The following CORO1B variants were observed in gnomAD, a reference collection of about 807,000 sequenced individuals.
CORO1B encodes the protein coronin-1B.
CORO1B carries 30 observed loss-of-function variants against 51.1 expected under a neutral mutation model. The ratio of observed to expected loss-of-function variants is 0.59; its 90% CI spans 0.44 to 0.80. The LOEUF is 0.80. Among genes scored for constraint, CORO1B ranks in the 30% least tolerant of loss-of-function variants. The pLI is 0.00. For missense variants in CORO1B, 648 were observed against 700.4 expected, an observed-to-expected ratio of 0.93 and a Z score of 0.84; for synonymous variants, 310 against 289.7, an observed-to-expected ratio of 1.07 and a Z score of -0.71.
intron 8 of CORO1B, 33 bp downstream of exon 8, chr11:67,440,085 C>T: frequency 6.3e-7 from 1 of 1,586,354 alleles, no homozygotes; most frequent in African/African-American, 1.3e-5. Context: ...CTTAGATGCC[C>T]CTATCCCCGA....
chr11:67,440,140 C>T lies in CORO1B; in HGVS notation c.985G>A (p.Val329Ile), dbSNP rs761036671. Residue 329 changes from valine to isoleucine, a missense_variant, in exon 8 of 11, where the codon GTC (valine) becomes ATC (isoleucine). Val to Ile is a conservative substitution (Grantham distance 29). Coordinates refer to ENST00000341356, the MANE Select transcript of CORO1B (RefSeq NM_020441.3). ...MGSMPKRGLE[V>I]SKCEIARFYK... ...TACCGGGCGATCTCGCACTTGCTGA[C>T]CTCCAGGCCCCGCTTGGGCATGCTG... is the stretch of plus-strand genomic sequence containing the variant. The T allele has an allele frequency of 8.1e-6, 13 of 1,612,814 alleles. No individual in the cohort carries two copies. Among genetic ancestry groups the T allele is most frequent in the Non-Finnish European group, 1.1e-5 (13 of 1,179,598 alleles).
At chr11:67,442,890 C>G (rs1472841071) in intron 1 of CORO1B, among the ~76,000 whole-genome samples, 1 of 152,140 alleles carries the variant, frequency 6.6e-6, no homozygotes, top group East Asian at 1.9e-4. Flanking sequence ...ACGCAGGGCC[C>G]CTCCCTGGCT....
At position 67,436,228 on chromosome 11, in the gene CORO1B, C is replaced by T; in HGVS notation, c.*2148G>A. On this transcript the variant is annotated 3_prime_UTR_variant, in exon 11 of 11. Transcript: ENST00000341356. ...CTAGGCCAGTGGCCAGCAGTAGGAGCAGCAGCAGCAGCAGGACAACGGTGA... is the reference window on the plus strand; with the variant it reads ...CTAGGCCAGTGGCCAGCAGTAGGAGTAGCAGCAGCAGCAGGACAACGGTGA... 1 of 1,536,874 alleles carries T rather than the reference C, an allele frequency of 6.5e-7. No homozygotes were observed.
intron 4 of CORO1B, 54 bp from the exon 5 acceptor site, chr11:67,441,568 C>T (rs1864394887): frequency 6.3e-7 from 1 of 1,581,330 alleles, no homozygotes; most frequent in Non-Finnish European, 8.6e-7. Flanking sequence ...AGGCCATTAG[C>T]TCACCAGGCT....
chr11:67,440,501 A>T (rs1204299902), intron 6 of CORO1B, 62 bp from the exon 7 acceptor site: 1 of 1,520,998 alleles, frequency 6.6e-7, no homozygotes, highest in Admixed American at 1.8e-5. Flanking sequence ...CCAAACCAGG[A>T]CGGGCCTTAG....
chr11:67,442,580 C>G lies in CORO1B; in HGVS notation c.49G>C (p.Gly17Arg), dbSNP rs752307054. The G allele has an allele frequency of 6.4e-5, 103 of 1,613,632 alleles. No individual in the cohort carries two copies. Among genetic ancestry groups the G allele is most frequent in the Non-Finnish European group, 8.6e-5 (101 of 1,180,018 alleles). ...VRQSKFRHVF[G>R]QPVKNDQCYE... is the part of the protein sequence containing the mutation. ...CACTGGTCGTTCTTGACCGGCTGCC[C>G]GAACACATGCCGGAATTTGCTCTGC... The change falls in exon 2 of 11, where the codon GGG (glycine) becomes CGG (arginine). Residue 17 changes from glycine (G) to arginine (R), a missense_variant. Gly to Arg is a moderately radical substitution (Grantham distance 125). Transcript: ENST00000341356.
chr11:67,441,100 T>C lies in CORO1B; in HGVS notation c.756+25A>G, dbSNP rs556153688. 5.4e-4 allele frequency: 867 copies of C among 1,612,854 alleles called. 10 individuals are homozygous for C. The South Asian group carries it at 9.0e-3, about 17-fold the overall frequency. The stretch of plus-strand genomic sequence containing the variant: ...CCAGGGTGGGGCCCAAGTCTCAAGT[T>C]TGCCCCCTCAGGCTGGCCACTCACT... On this transcript the variant is annotated intron_variant, in intron 6 of 10. Transcript: ENST00000341356.
intron 1 of CORO1B, 106 bp from the exon 2 acceptor site, chr11:67,442,736 C>T (rs1864424259): frequency 7.1e-6 from 8 of 1,128,642 alleles, no homozygotes; most frequent in African/African-American, 1.5e-5. Flanking sequence ...GCCAGGCCAC[C>T]GTAACCCTCC....
In CORO1B at chr11:67,435,728, G is replaced by C; in HGVS notation, c.*2648C>G. On this transcript the variant is annotated 3_prime_UTR_variant, in exon 11 of 11. Coordinates refer to ENST00000341356, the MANE Select transcript of CORO1B (RefSeq NM_020441.3). Reference sequence around the variant, plus strand: ...GTGACAGGGATGGGACACCAAGACCGGCCTCTACAGTGCGGTGACATGGAG... The same window carrying C: ...GTGACAGGGATGGGACACCAAGACCCGCCTCTACAGTGCGGTGACATGGAG... 6.6e-7 allele frequency: 1 copy of C among 1,513,850 alleles called. No homozygotes were observed. Among genetic ancestry groups the C allele is most frequent in the Non-Finnish European group, 8.8e-7 (1 of 1,134,328 alleles). 93.8% of individuals were successfully genotyped at this position (1,513,850 alleles called of 1,614,324 possible).
At position 67,435,809 on chromosome 11, in the gene CORO1B, G is replaced by A; in HGVS notation, c.*2567C>T. ...ATCCCAGGCTGCGCTGCCAGCAAAG[G>A]CGTGCAGGTCACTCAGCAGGGCCTC... On this transcript the variant is annotated 3_prime_UTR_variant, in exon 11 of 11. Transcript: ENST00000341356. 6.2e-7 allele frequency: 1 copy of A among 1,600,824 alleles called. No homozygotes were observed. Among genetic ancestry groups the A allele is most frequent in the Non-Finnish European group, 8.5e-7 (1 of 1,174,686 alleles).
At chr11:67,439,727 A>G (rs1373771362) in intron 9 of CORO1B, 59 bp downstream of exon 9, 12 of 1,518,172 alleles carry the variant, frequency 7.9e-6, no homozygotes, top group African/African-American at 2.8e-5. Flanking sequence ...CCTGGTCACA[A>G]CTGCATGGCC....
In CORO1B at chr11:67,437,229, A is replaced by G. The variant is rs1864304752; in HGVS notation, c.*1147T>C. On this transcript the variant is annotated 3_prime_UTR_variant, in exon 11 of 11. Transcript: ENST00000341356. The stretch of plus-strand genomic sequence containing the variant: ...GGGGGGGGCTGGGGGAGGCGGGCGC[A>G]GCTGCCAGAGGAAGTCTGCGGTCGG... 2 of 188,926 alleles carry G rather than the reference A, an allele frequency of 1.1e-5. No homozygotes were observed. Among genetic ancestry groups the G allele is most frequent in the Non-Finnish European group, 2.2e-5 (2 of 92,660 alleles). The allele number at this position is 188,926 out of a possible 1,614,324, so 11.7% of individuals were successfully genotyped here. A position where few individuals can be genotyped will look rare whatever the true frequency, so the allele number is the denominator to read the frequency against.
Position 67,438,217 on chromosome 11 carries a change from C to T in CORO1B, c.*159G>A, listed in dbSNP as rs1446221466. On this transcript the variant is annotated 3_prime_UTR_variant, in exon 11 of 11. Coordinates refer to ENST00000341356, the MANE Select transcript of CORO1B (RefSeq NM_020441.3). Reference sequence around the variant, plus strand: ...CACAGGAACAGTGAGGAAAGCTGGGCGCTGGCTTCGGCCTGGGCCTGGGAC... The same window carrying T: ...CACAGGAACAGTGAGGAAAGCTGGGTGCTGGCTTCGGCCTGGGCCTGGGAC... 3.4e-6 allele frequency: 3 copies of T among 870,180 alleles called. No individual in the cohort carries two copies. The highest frequency in any genetic ancestry group is 3.4e-5 in the African/African-American group (2 of 59,330). 53.9% of individuals were successfully genotyped at this position (870,180 alleles called of 1,614,324 possible).
chr11:67,441,848 TG>T lies in CORO1B; in HGVS notation c.338del (p.Pro113GlnfsTer5). On this transcript the variant is annotated frameshift_variant, in exon 4 of 11. Transcript: ENST00000341356. LOFTEE classifies it high-confidence loss of function. ...EDCTVMVWQIPENGLTSPLTE... is the reference protein window; with the variant it reads ...EDCTVMVWQIXENGLTSPLTE... ...TCAGCGGGGAGGTCAGCCCGTTCTC[TG>T]GGATCTGCCACACCTGTGGTAGGGA... 1 of 1,613,190 alleles carries T rather than the reference TG, an allele frequency of 6.2e-7. No individual in the cohort carries two copies. Among genetic ancestry groups the T allele is most frequent in the South Asian group, 1.1e-5 (1 of 91,088 alleles).
In CORO1B at chr11:67,437,635, T is replaced by C; in HGVS notation, c.*741A>G. On this transcript the variant is annotated 3_prime_UTR_variant, in exon 11 of 11. Transcript: ENST00000341356. Reference sequence around the variant, plus strand: ...GGCTTACCATTGGTCCGCAGGCCCCTCCGTGCCGGGCACCCACCTCCAGCT... The same window carrying C: ...GGCTTACCATTGGTCCGCAGGCCCCCCCGTGCCGGGCACCCACCTCCAGCT... 2 of 1,365,468 alleles carry C rather than the reference T, an allele frequency of 1.5e-6. No individual in the cohort carries two copies. The highest frequency in any genetic ancestry group is 1.9e-6 in the Non-Finnish European group (2 of 1,050,732). The allele number at this position is 1,365,468 out of a possible 1,614,324, so 84.6% of individuals were successfully genotyped here.
intron 9 of CORO1B, among the ~76,000 whole-genome samples, chr11:67,439,436 C>T (rs562644746): frequency 6.6e-6 from 1 of 152,380 alleles, no homozygotes; most frequent in African/African-American, 2.4e-5. Context: ...CACCACTGTG[C>T]CCTTCGCCTG....
chr11:67,436,018 GTCCTGCTCATCC>G lies in CORO1B; in HGVS notation c.*2346_*2357del. The G allele has an allele frequency of 6.2e-7, 1 of 1,613,740 alleles. No homozygotes were observed. The highest frequency in any genetic ancestry group is 1.1e-5 in the South Asian group (1 of 91,086). ...CATCCGCGACGTGGTCATAGTCTGT[GTCCTGCTCATCC>G]TCCTGTCGCTCAAGGTCATTGTCTG... On this transcript the variant is annotated 3_prime_UTR_variant, in exon 11 of 11. Coordinates refer to ENST00000341356, the MANE Select transcript of CORO1B (RefSeq NM_020441.3).
In CORO1B at chr11:67,440,151, C is replaced by T. The variant is rs755458891; in HGVS notation, c.974G>A (p.Arg325Gln). 19 of 1,613,378 alleles carry T rather than the reference C, an allele frequency of 1.2e-5. No individual in the cohort carries two copies. Among genetic ancestry groups the T allele is most frequent in the Middle Eastern group, 1.7e-4 (1 of 6,050 alleles). ...CTCGCACTTGCTGACCTCCAGGCCCCGCTTGGGCATGCTGCCCATACCCCG... is the reference window on the plus strand; with the variant it reads ...CTCGCACTTGCTGACCTCCAGGCCCTGCTTGGGCATGCTGCCCATACCCCG... ...PQRGMGSMPK[R>Q]GLEVSKCEIA... Residue 325 changes from arginine (R) to glutamine (Q), a missense_variant, in exon 8 of 11, where the codon CGG becomes CAG. By Grantham distance (43) the Arg-to-Gln change is conservative (BLOSUM62 1). Coordinates refer to ENST00000341356, the MANE Select transcript of CORO1B (RefSeq NM_020441.3).
rs371274192 is a variant in CORO1B at position 67,435,853 on chromosome 11, C to T, written c.*2523G>A. The T allele has an allele frequency of 2.4e-5, 38 of 1,609,858 alleles. No individual in the cohort carries two copies. Among genetic ancestry groups the T allele is most frequent in the African/African-American group, 1.9e-4 (14 of 74,874 alleles). On this transcript the variant is annotated 3_prime_UTR_variant, in exon 11 of 11. Coordinates refer to ENST00000341356, the MANE Select transcript of CORO1B (RefSeq NM_020441.3). ...GGGCCTCAGCACTGCCCCCTGCGCT[C>T]GCTGGTCCTGGGGAGCCGAGGACCA... is the stretch of plus-strand genomic sequence containing the variant.
Sources: allele counts gnomAD v4.1 joint callset (sites outside exome capture counted in the v4.1 genomes callset), GRCh38; gene constraint gnomAD v4.1.1; transcripts MANE v1.5; gene names NCBI Gene and HGNC (gene_info 2026-07-23, HGNC 2026-07-21).